Variants in EPHB1 observed in about 807,000 individuals in gnomAD.
EPHB1 encodes the protein EPH receptor B1.
EPHB1 carries 30 observed loss-of-function variants against 94.4 expected under a neutral mutation model. The ratio of observed to expected loss-of-function variants is 0.32; its 90% confidence interval spans 0.24 to 0.43. The LOEUF (loss-of-function observed/expected upper bound fraction) is 0.43. Among genes scored for constraint, EPHB1 ranks in the 20% least tolerant of loss-of-function variants. EPHB1 has a pLI of 1.00. For missense variants in EPHB1, 1,055 were observed against 1,308.3 expected, an observed-to-expected ratio of 0.81 and a Z score of 2.99; for synonymous variants, 522 against 489.1, an observed-to-expected ratio of 1.07 and a Z score of -0.89.
At chr3:135,168,654 G>T (rs56920945) in intron 9 of EPHB1, among the ~76,000 whole-genome samples, 5 of 151,964 alleles carry the variant, frequency 3.3e-5, no homozygotes, top group Non-Finnish European at 7.4e-5. Context: ...GGCGACCTTC[G>T]TCTCCCTGCT....
At chr3:135,031,003 C>T (rs1228691597) in intron 3 of EPHB1, among the ~76,000 whole-genome samples, 1 of 152,190 alleles carries the variant, frequency 6.6e-6, no homozygotes, top group African/African-American at 2.4e-5. Flanking sequence ...CCGTCCATCA[C>T]CCCTTTCTTT....
intron 12 of EPHB1, among the ~76,000 whole-genome samples, chr3:135,203,720 T>C (rs1160826036): frequency 6.6e-6 from 1 of 152,232 alleles, no homozygotes. Context: ...TTGACATTTT[T>C]CTTTTTGGTC....
chr3:135,150,604 T>C (rs1941162980), intron 5 of EPHB1, among the ~76,000 whole-genome samples: 1 of 152,208 alleles, frequency 6.6e-6, no homozygotes, highest in Non-Finnish European at 1.5e-5. Flanking sequence ...GCACCTTATT[T>C]CCACTTGGTT....
intron 5 of EPHB1, among the ~76,000 whole-genome samples, chr3:135,143,410 C>T (rs1048017386): frequency 2.6e-5 from 4 of 152,074 alleles, no homozygotes; most frequent in African/African-American, 9.7e-5. Flanking sequence ...CCCTGCCCAG[C>T]GTTGGTGGCA....
chr3:134,954,947 A>T (rs917832887), intron 3 of EPHB1, among the ~76,000 whole-genome samples: 11 of 152,236 alleles, frequency 7.2e-5, no homozygotes, highest in African/African-American at 2.4e-4. Context: ...GGTGGTGAGA[A>T]GAGAACAGGT....
chr3:135,129,122 T>G (rs1940319829), intron 4 of EPHB1, among the ~76,000 whole-genome samples: 1 of 149,816 alleles, frequency 6.7e-6, no homozygotes. Context: ...AAAGCACACA[T>G]GAATGGGAAG....
intron 3 of EPHB1, among the ~76,000 whole-genome samples, chr3:135,026,985 GGGA>G (rs1264111467): frequency 4.7e-5 from 5 of 106,568 alleles, no homozygotes; most frequent in African/African-American, 7.3e-5. Context: ...AATTGTGAAT[GGGA>G]GTTCACTCAT....
intron 1 of EPHB1, among the ~76,000 whole-genome samples, chr3:134,877,788 C>A (rs189804332): frequency 6.4e-4 from 97 of 152,148 alleles, no homozygotes; most frequent in Admixed American, 1.4e-3. Context: ...CCCGTGGTTT[C>A]GGCCCCATAA....
chr3:134,890,670 A>C (rs1262139170), intron 1 of EPHB1, among the ~76,000 whole-genome samples: 1 of 152,178 alleles, frequency 6.6e-6, no homozygotes, highest in Non-Finnish European at 1.5e-5. Flanking sequence ...ACTATTCCCT[A>C]ATGAATGTAT....
At chr3:135,057,427 C>A (rs1937380222) in intron 3 of EPHB1, among the ~76,000 whole-genome samples, 1 of 151,888 alleles carries the variant, frequency 6.6e-6, no homozygotes, top group African/African-American at 2.4e-5. Context: ...TTCCCACTTT[C>A]TTTCCTCTCA....
At chr3:135,097,967 C>T (rs1006323302) in intron 3 of EPHB1, among the ~76,000 whole-genome samples, 6 of 152,218 alleles carry the variant, frequency 3.9e-5, no homozygotes, top group Non-Finnish European at 8.8e-5. Context: ...TCCCATCCTC[C>T]CTCTGTGCCA....
At chr3:135,011,759 C>T (rs1031011076) in intron 3 of EPHB1, among the ~76,000 whole-genome samples, 2 of 152,148 alleles carry the variant, frequency 1.3e-5, no homozygotes, top group Non-Finnish European at 2.9e-5. Flanking sequence ...TAGAGAAACC[C>T]AAATCTGGGC....
intron 2 of EPHB1, among the ~76,000 whole-genome samples, chr3:134,943,476 G>C (rs6788622): frequency 0.025 from 3,766 of 152,338 alleles, 163 homozygotes; most frequent in African/African-American, 0.086. Flanking sequence ...GGGGGATATG[G>C]ATGGTTCTGG....
At chr3:135,149,125 T>C (rs1387673126) in intron 5 of EPHB1, among the ~76,000 whole-genome samples, 2 of 152,244 alleles carry the variant, frequency 1.3e-5, no homozygotes, top group African/African-American at 4.8e-5. Flanking sequence ...CACATCTTTC[T>C]TGAAACTTCA....
intron 1 of EPHB1, among the ~76,000 whole-genome samples, chr3:134,888,821 T>C (rs2037909539): frequency 6.6e-6 from 1 of 152,174 alleles, no homozygotes; most frequent in East Asian, 1.9e-4. Flanking sequence ...CACCATGTGC[T>C]GGGCACTGTT....
In EPHB1 at chr3:135,244,097, A is replaced by G. The variant is rs973472919; in HGVS notation, c.2496+2800A>G. ...ACAGGAGGGGCTCTGCCCACTTCCC[A>G]GAGGCGTTCTAGTCACTCCACCCAG... On this transcript the variant is annotated intron_variant, in intron 13 of 15. Coordinates refer to ENST00000398015, the MANE Select transcript of EPHB1 (RefSeq NM_004441.5). Among the ~76,000 whole-genome samples the G allele has an allele frequency of 2.0e-5, 3 of 152,302 alleles. No individual in the cohort carries two copies. The South Asian group carries it at 6.2e-4, about 32-fold the overall frequency.
intron 1 of EPHB1, among the ~76,000 whole-genome samples, chr3:134,878,249 A>C (rs1022976509): frequency 8.5e-5 from 13 of 152,222 alleles, no homozygotes; most frequent in African/African-American, 2.9e-4. Context: ...TCTTAAGAAA[A>C]TGGCTCAGGT....
intron 2 of EPHB1, among the ~76,000 whole-genome samples, chr3:134,943,641 C>G (rs936986207): frequency 1.3e-5 from 2 of 152,114 alleles, no homozygotes; most frequent in Admixed American, 6.6e-5. Flanking sequence ...TGGACCACAC[C>G]CTGATACTCC....
chr3:135,102,695 A>G (rs1441603252), intron 3 of EPHB1, among the ~76,000 whole-genome samples: 2 of 152,210 alleles, frequency 1.3e-5, no homozygotes, highest in African/African-American at 4.8e-5. Flanking sequence ...TTATTGTAGC[A>G]CTATTTACAA....
Sources: allele counts gnomAD v4.1 joint callset (sites outside exome capture counted in the v4.1 genomes callset), GRCh38; gene constraint gnomAD v4.1.1; transcripts MANE v1.5; gene names NCBI Gene and HGNC (gene_info 2026-07-23, HGNC 2026-07-21).